The following LRRC17 variants were observed in gnomAD, a reference collection of about 807,000 sequenced individuals.
LRRC17 encodes the protein leucine rich repeat containing 17.
Under a neutral mutation model 41.5 loss-of-function variants are expected in LRRC17, and 33 were observed. That is an observed-to-expected ratio of 0.80 (90% CI 0.60 to 1.06). The LOEUF (loss-of-function observed/expected upper bound fraction) is 1.06, where lower values mean the gene tolerates loss of function less well. Among genes scored for constraint, LRRC17 ranks in the 50% least tolerant of loss-of-function variants. The pLI is 0.00. For missense variants in LRRC17, 491 were observed against 519.3 expected, an observed-to-expected ratio of 0.95 and a Z score of 0.53; for synonymous variants, 192 against 197.0, an observed-to-expected ratio of 0.97 and a Z score of 0.21.
At chr7:102,915,694 A>G (rs1815707933) in intron 1 of LRRC17, among the ~76,000 whole-genome samples, 2 of 151,790 alleles carry the variant, frequency 1.3e-5, no homozygotes, top group African/African-American at 4.9e-5. Context: ...AAGATTACAA[A>G]AACAGCCAAT....
rs567066710 is a variant in LRRC17 at position 102,925,570 on chromosome 7, A to C, written c.-140-8204A>C. On this transcript the variant is annotated intron_variant, in intron 1 of 3. Coordinates refer to ENST00000339431, the MANE Select transcript of LRRC17 (RefSeq NM_001031692.3). ...GCTCCCTAGAGGTGGTGGGAGTCTC[A>C]ACAGGTAGCCAGAGCATGGGAACAG... Among the ~76,000 whole-genome samples, 4 of 152,304 alleles carry C rather than the reference A, an allele frequency of 2.6e-5. No homozygotes were observed. The Middle Eastern group carries it at 0.01, about 389-fold the overall frequency.
intron 1 of LRRC17, among the ~76,000 whole-genome samples, chr7:102,919,417 T>C (rs778713449): frequency 4.6e-5 from 7 of 152,174 alleles, no homozygotes; most frequent in Non-Finnish European, 1.0e-4. Flanking sequence ...ACAAATGCAT[T>C]GAAGCATTAA....
At chr7:102,938,649 C>A (rs1232179078) in intron 2 of LRRC17, among the ~76,000 whole-genome samples, 1 of 152,156 alleles carries the variant, frequency 6.6e-6, no homozygotes, top group Non-Finnish European at 1.5e-5. Flanking sequence ...GGGCATTGAT[C>A]AAATTCTCCT....
intron 2 of LRRC17, among the ~76,000 whole-genome samples, chr7:102,935,498 A>G (rs923484263): frequency 6.6e-6 from 1 of 152,254 alleles, no homozygotes; most frequent in South Asian, 2.1e-4. Flanking sequence ...GAGAACTATG[A>G]GACTAAGGAA....
At chr7:102,929,204 T>C (rs1327862123) in intron 1 of LRRC17, among the ~76,000 whole-genome samples, 1 of 152,168 alleles carries the variant, frequency 6.6e-6, no homozygotes, top group Non-Finnish European at 1.5e-5. Flanking sequence ...AAAAGATGTT[T>C]TACTGTGGAA....
chr7:102,929,071 C>T (rs1187643946), intron 1 of LRRC17, among the ~76,000 whole-genome samples: 4 of 152,098 alleles, frequency 2.6e-5, no homozygotes, highest in African/African-American at 9.7e-5. Flanking sequence ...TTCTGCTGGA[C>T]AGGGATTAAA....
At chr7:102,939,614 G>A in intron 3 of LRRC17, 29 bp downstream of exon 3, 1 of 1,573,364 alleles carries the variant, frequency 6.4e-7, no homozygotes. Flanking sequence ...CCCCTTCAAT[G>A]GGTGGCAAGT....
intron 1 of LRRC17, among the ~76,000 whole-genome samples, chr7:102,927,300 G>A (rs10499952): frequency 0.19 from 29,204 of 152,010 alleles, 3,001 homozygotes; most frequent in East Asian, 0.42. Context: ...AATGTTTGAC[G>A]CTACATCAGT....
intron 1 of LRRC17, among the ~76,000 whole-genome samples, chr7:102,924,121 C>G (rs1236442676): frequency 2.0e-5 from 3 of 151,664 alleles, no homozygotes; most frequent in African/African-American, 7.3e-5. Flanking sequence ...GCCTCTAATC[C>G]CAGCTACTTG....
chr7:102,920,818 G>C (rs940698349), intron 1 of LRRC17, among the ~76,000 whole-genome samples: 2 of 152,108 alleles, frequency 1.3e-5, no homozygotes, highest in African/African-American at 4.8e-5. Context: ...TCCACAAAAA[G>C]AACAAGCAAA....
chr7:102,944,558 G>C lies in LRRC17; in HGVS notation c.1277G>C (p.Arg426Thr), dbSNP rs759698758. 1 of 1,613,158 alleles carries C rather than the reference G, an allele frequency of 6.2e-7. No homozygotes were observed. Among genetic ancestry groups the C allele is most frequent in the South Asian group, 1.1e-5 (1 of 90,804 alleles). ...TEDDEWEKKHRDHTAKKQSVI... is the reference protein window; with the variant it reads ...TEDDEWEKKHTDHTAKKQSVI... The stretch of plus-strand genomic sequence containing the variant: ...GATGATGAATGGGAAAAAAAACATA[G>C]AGATCACACCGCAAAGAAGCAAAGC... Residue 426 changes from arginine to threonine, a missense_variant, in exon 4 of 4, where the codon AGA (arginine) becomes ACA (threonine). Coordinates refer to ENST00000339431, the MANE Select transcript of LRRC17 (RefSeq NM_001031692.3).
rs1329798021 is a variant in LRRC17 at position 102,944,536 on chromosome 7, G to A, written c.1255G>A (p.Asp419Asn). Residue 419 changes from aspartate to asparagine, a missense_variant, in exon 4 of 4, where the codon GAT (aspartate) becomes AAT (asparagine). Coordinates refer to ENST00000339431, the MANE Select transcript of LRRC17 (RefSeq NM_001031692.3). ...PESFDQDTED[D>N]EWEKKHRDHT... ...GTCATTTGACCAAGACACAGAAGAT[G>A]ATGAATGGGAAAAAAAACATAGAGA... The A allele has an allele frequency of 3.1e-6, 5 of 1,613,214 alleles. No homozygotes were observed. Among genetic ancestry groups the A allele is most frequent in the Non-Finnish European group, 4.2e-6 (5 of 1,179,790 alleles).
At chr7:102,915,382 C>T (rs1815636970) in intron 1 of LRRC17, among the ~76,000 whole-genome samples, 1 of 152,062 alleles carries the variant, frequency 6.6e-6, no homozygotes, top group Non-Finnish European at 1.5e-5. Flanking sequence ...AACACATTAA[C>T]TATTTTTATG....
chr7:102,933,442 T>C (rs1391688555), intron 1 of LRRC17: 1 of 152,554 alleles, frequency 6.6e-6, no homozygotes, highest in African/African-American at 2.4e-5. Context: ...CTAACATTTG[T>C]GACTACTTCC....
Position 102,934,096 on chromosome 7 carries a change from T to A in LRRC17, c.183T>A (p.His61Gln). ...GLPCDVYTYL[H>Q]EKYLDCQERK... Reference sequence around the variant, plus strand: ...CGTGTGACGTGTACACATATCTCCATGAGAAATACTTAGATTGTCAAGAAA... The same window carrying A: ...CGTGTGACGTGTACACATATCTCCAAGAGAAATACTTAGATTGTCAAGAAA... The change falls in exon 2 of 4, where the codon CAT becomes CAA. Residue 61 changes from histidine to glutamine, a missense_variant. Transcript: ENST00000339431. 6.2e-7 allele frequency: 1 copy of A among 1,614,150 alleles called. No homozygotes were observed. The highest frequency in any genetic ancestry group is 8.5e-7 in the Non-Finnish European group (1 of 1,179,980).
At chr7:102,941,942 CAT>C (rs962385963) in intron 3 of LRRC17, among the ~76,000 whole-genome samples, 63 of 152,238 alleles carry the variant, frequency 4.1e-4, no homozygotes, top group Middle Eastern at 3.4e-3. Flanking sequence ...ATGTTTTTCA[CAT>C]GTTTCCCGTA....
At chr7:102,929,660 T>C (rs1818803790) in intron 1 of LRRC17, among the ~76,000 whole-genome samples, 1 of 65,294 alleles carries the variant, frequency 1.5e-5, no homozygotes, top group Admixed American at 2.1e-4. Flanking sequence ...TGAGACTCCA[T>C]CTCAAAAAAA....
At chr7:102,918,449 A>T (rs368416586) in intron 1 of LRRC17, among the ~76,000 whole-genome samples, 12 of 152,184 alleles carry the variant, frequency 7.9e-5, no homozygotes, top group Non-Finnish European at 1.8e-4. Context: ...TTCTAAGGAG[A>T]AAAAAAGCCA....
chr7:102,914,289 C>A (rs1563082629), intron 1 of LRRC17, among the ~76,000 whole-genome samples: 1 of 152,056 alleles, frequency 6.6e-6, no homozygotes, highest in African/African-American at 2.4e-5. Flanking sequence ...GCCAGGCTGG[C>A]CTCGAACTCC....
Sources: gnomAD v4.1 joint callset for allele counts (sites outside exome capture counted in the v4.1 genomes callset) on GRCh38, gnomAD v4.1.1 for gene constraint, MANE v1.5 for transcripts, NCBI Gene and HGNC (gene_info 2026-07-23, HGNC 2026-07-21) for gene names.